The following PCDHA13 variants were observed in gnomAD, a reference collection of about 807,000 sequenced individuals.
The protein encoded by PCDHA13 is protocadherin alpha 13.
A neutral mutation model predicts 64.8 loss-of-function variants in PCDHA13; 54 were observed. The observed-to-expected ratio is 0.83, with a 90% CI of 0.67 to 1.04. PCDHA13 has a LOEUF of 1.04. PCDHA13 is among the 50% of genes least tolerant of loss of function. The pLI is 0.00. For synonymous variants in PCDHA13, 587 were observed against 564.4 expected (o/e 1.04, Z -0.57); for missense variants, 1,248 against 1,254.3 (o/e 0.99, Z 0.08).
At chr5:140,969,293 C>A in intron 1 of PCDHA13, 1 of 1,614,186 alleles carries the variant, frequency 6.2e-7, no homozygotes, top group Non-Finnish European at 8.5e-7. Flanking sequence ...TGCTGGGAAC[C>A]TGATTATTCT....
At chr5:140,980,284 T>C (rs1226756896) in intron 2 of PCDHA13, among the ~76,000 whole-genome samples, 6 of 152,182 alleles carry the variant, frequency 3.9e-5, no homozygotes, top group African/African-American at 1.4e-4. Flanking sequence ...TCTTGAAAAG[T>C]ACCAAAGCTA....
chr5:140,920,974 A>G (rs77459262), intron 1 of PCDHA13, among the ~76,000 whole-genome samples: 17,697 of 151,984 alleles, frequency 0.12, 1,149 homozygotes, highest in Middle Eastern at 0.19. Context: ...CTAGAGTATA[A>G]TATTGTATTT....
intron 1 of PCDHA13, among the ~76,000 whole-genome samples, chr5:140,941,255 C>CTTTCTTTCTTTCTT (rs782490896): frequency 4.1e-3 from 183 of 44,496 alleles, no homozygotes; most frequent in African/African-American, 4.7e-3. Context: ...TTCTTTCTTT[C>CTTTCTTTCTTTCTT]TCTTTCTTTC....
intron 1 of PCDHA13, among the ~76,000 whole-genome samples, chr5:140,913,928 G>A (rs2076511708): frequency 1.3e-5 from 2 of 151,918 alleles, no homozygotes; most frequent in Non-Finnish European, 2.9e-5. Flanking sequence ...CTTCATTGTG[G>A]TCAGAGAAGA....
chr5:140,896,090 C>CA (rs2065374359), intron 1 of PCDHA13, among the ~76,000 whole-genome samples: 1 of 152,152 alleles, frequency 6.6e-6, no homozygotes, highest in Non-Finnish European at 1.5e-5. Flanking sequence ...GGATTACAGG[C>CA]GTGAGCCACT....
chr5:141,010,276 TTGA>T lies in PCDHA13; in HGVS notation c.*343_*345del, dbSNP rs1554262867. On this transcript the variant is annotated 3_prime_UTR_variant, in exon 4 of 4. Transcript: ENST00000289272. ...TGCCCTGTGCTCCGGGGATCCTGTC[TTGA>T]TGACACTTGCAGGGCAGGCTGAAAA... is the stretch of plus-strand genomic sequence containing the variant. The T allele has an allele frequency of 4.5e-6, 7 of 1,551,580 alleles. No individual in the cohort carries two copies. The highest frequency in any genetic ancestry group is 6.1e-6 in the Non-Finnish European group (7 of 1,146,976).
intron 1 of PCDHA13, among the ~76,000 whole-genome samples, chr5:140,891,067 C>G (rs2062935872): frequency 6.6e-6 from 1 of 152,096 alleles, no homozygotes; most frequent in Admixed American, 6.6e-5. Flanking sequence ...AAATATTATT[C>G]CAGTGTCTAC....
chr5:140,954,771 T>C (rs1314345691), intron 1 of PCDHA13, among the ~76,000 whole-genome samples: 2 of 152,230 alleles, frequency 1.3e-5, no homozygotes, highest in African/African-American at 4.8e-5. Context: ...AGCTCTTTAA[T>C]TTAATTAGAT....
At chr5:140,980,358 G>A (rs143597147) in intron 2 of PCDHA13, among the ~76,000 whole-genome samples, 260 of 152,274 alleles carry the variant, frequency 1.7e-3, no homozygotes, top group South Asian at 0.014. Context: ...TGGACTGGGC[G>A]CGGTGGCTCA....
chr5:140,926,928 G>T, intron 1 of PCDHA13: 1 of 1,574,878 alleles, frequency 6.3e-7, no homozygotes, highest in Non-Finnish European at 8.6e-7. Flanking sequence ...TATGTTTGTG[G>T]GTTTCCTGCG....
chr5:140,929,413 A>G, intron 1 of PCDHA13: 1 of 1,505,438 alleles, frequency 6.6e-7, no homozygotes, highest in Non-Finnish European at 8.9e-7. Context: ...AGCCTTTCAC[A>G]ACATTTCATC....
At chr5:140,974,372 G>A (rs782769705) in intron 1 of PCDHA13, among the ~76,000 whole-genome samples, 28 of 152,076 alleles carry the variant, frequency 1.8e-4, no homozygotes, top group Non-Finnish European at 4.0e-4. Flanking sequence ...AGCACTTTCT[G>A]TTGTACTGGA....
intron 3 of PCDHA13, among the ~76,000 whole-genome samples, chr5:141,000,387 CTCTCTCTCTATATATATATA>C (rs1348939997): frequency 1.5e-5 from 1 of 66,898 alleles, no homozygotes; most frequent in Non-Finnish European, 2.8e-5. Context: ...CTCTCTCTCT[CTCTCTCTCTATATATATATA>C]TATATATATA....
In PCDHA13 at chr5:140,884,802, ACTCTGC is replaced by A. The variant is rs2060361534; in HGVS notation, c.2394+141_2394+146del. The A allele has an allele frequency of 4.1e-6, 5 of 1,232,140 alleles. No individual in the cohort carries two copies. The South Asian group carries it at 9.1e-5, about 22-fold the overall frequency. The allele number at this position is 1,232,140 out of a possible 1,614,324, so 76.3% of individuals were successfully genotyped here. A position where few individuals can be genotyped will look rare whatever the true frequency, so the allele number is the denominator to read the frequency against. ...TTGCTAGTTGTTATCGAATTTAACA[ACTCTGC>A]TGTGGACATTATGTGTTGGATTATC... is the stretch of plus-strand genomic sequence containing the variant. On this transcript the variant is annotated intron_variant, in intron 1 of 3. Transcript: ENST00000289272.
At chr5:141,007,706 C>T (rs1269578685) in intron 3 of PCDHA13, among the ~76,000 whole-genome samples, 1 of 152,218 alleles carries the variant, frequency 6.6e-6, no homozygotes, top group Non-Finnish European at 1.5e-5. Flanking sequence ...TCCTCTGCCT[C>T]CCACCACCAG....
At chr5:140,919,976 G>A (rs552658832) in intron 1 of PCDHA13, among the ~76,000 whole-genome samples, 1 of 134,018 alleles carries the variant, frequency 7.5e-6, no homozygotes, top group Non-Finnish European at 1.7e-5. Context: ...ATAAGAGATA[G>A]AAGATGGAAA....
rs1562832308 is a variant in PCDHA13 at position 140,887,757 on chromosome 5, CAT to C, written c.2394+3098_2394+3099del. 3.3e-5 allele frequency among the ~76,000 whole-genome samples: 5 copies of C among 152,284 alleles called. No homozygotes were observed. In the East Asian group the frequency reaches 9.6e-4, roughly 29 times the overall value. On this transcript the variant is annotated intron_variant, in intron 1 of 3. Transcript: ENST00000289272. ...CATCCTTTCTGAGACTCCAGTAACA[CAT>C]ATGTTACAATGACACAGGTCATTGA...
intron 1 of PCDHA13, among the ~76,000 whole-genome samples, chr5:140,976,067 T>C (rs1554237245): frequency 6.6e-6 from 1 of 152,218 alleles, no homozygotes; most frequent in Non-Finnish European, 1.5e-5. Flanking sequence ...ATATATGTCT[T>C]ACTGTGTCAG....
At position 141,011,373 on chromosome 5, in the gene PCDHA13, TAA is replaced by T. The variant is rs1299941460; in HGVS notation, c.*1437_*1438del. The T allele has an allele frequency of 1.3e-5, 2 of 153,792 alleles. No homozygotes were observed. Among genetic ancestry groups the T allele is most frequent in the Non-Finnish European group, 2.9e-5 (2 of 68,046 alleles). The allele number at this position is 153,792 out of a possible 1,614,324, so 9.5% of individuals were successfully genotyped here. A position where few individuals can be genotyped will look rare whatever the true frequency, so the allele number is the denominator to read the frequency against. The stretch of plus-strand genomic sequence containing the variant: ...CCCATATGTATGCTGTATGCTATGC[TAA>T]GACTCCTGAAATATACTTACTCTGT... On this transcript the variant is annotated 3_prime_UTR_variant, in exon 4 of 4. Coordinates refer to ENST00000289272, the MANE Select transcript of PCDHA13 (RefSeq NM_018904.3).
Sources: allele counts gnomAD v4.1 joint callset (sites outside exome capture counted in the v4.1 genomes callset), GRCh38; gene constraint gnomAD v4.1.1; transcripts MANE v1.5; gene names NCBI Gene and HGNC (gene_info 2026-07-23, HGNC 2026-07-21).